Variants in ATF7IP2 observed in about 807,000 individuals in gnomAD.
The protein encoded by ATF7IP2 is activating transcription factor 7 interacting protein 2.
ATF7IP2 carries 42 observed loss-of-function variants against 64.2 expected under a neutral mutation model. That is an observed-to-expected ratio of 0.65 (90% CI 0.51 to 0.85). The LOEUF is 0.85. Ranked by LOEUF, ATF7IP2 falls within the 40% of genes least tolerant of loss-of-function variation. The pLI is 0.00. For missense variants in ATF7IP2, 933 were observed against 784.2 expected (o/e 1.19, Z -2.27); for synonymous variants, 308 against 272.8 (o/e 1.13, Z -1.27).
chr16:10,459,510 G>A (rs1354140665), intron 9 of ATF7IP2, among the ~76,000 whole-genome samples: 1 of 151,652 alleles, frequency 6.6e-6, no homozygotes, highest in African/African-American at 2.4e-5. Context: ...AGCTGGGCAT[G>A]GTGGTGCATG....
At chr16:10,413,271 T>C (rs1294924464) in intron 1 of ATF7IP2, among the ~76,000 whole-genome samples, 2 of 152,154 alleles carry the variant, frequency 1.3e-5, no homozygotes, top group African/African-American at 4.8e-5. Context: ...AATTGAAACA[T>C]GGGGACCAGT....
rs540778216 is a variant in ATF7IP2 at position 10,419,002 on chromosome 16, A to G, written c.-202-579A>G. ...TGCTAAACATCCCCTTAGGGGACCA[A>G]TCAATAATGATTCCATGGGAATCGT... On this transcript the variant is annotated intron_variant, in intron 2 of 13. Coordinates refer to ENST00000562102, the MANE Select transcript of ATF7IP2 (RefSeq NM_001393719.1). Among the ~76,000 whole-genome samples, 3 of 152,316 alleles carry G rather than the reference A, an allele frequency of 2.0e-5. No individual in the cohort carries two copies. In the East Asian group the frequency reaches 5.8e-4, roughly 29 times the overall value.
intron 12 of ATF7IP2, among the ~76,000 whole-genome samples, chr16:10,475,823 G>A (rs1269251629): frequency 2.7e-5 from 4 of 150,136 alleles, no homozygotes; most frequent in Non-Finnish European, 4.4e-5. Context: ...GATAATAAAT[G>A]TAAATGGTCC....
chr16:10,390,851 G>T (rs2047307455), intron 1 of ATF7IP2, among the ~76,000 whole-genome samples: 1 of 152,160 alleles, frequency 6.6e-6, no homozygotes, highest in Non-Finnish European at 1.5e-5. Context: ...AACAAGAACA[G>T]CAAAGCAAAC....
intron 5 of ATF7IP2, among the ~76,000 whole-genome samples, chr16:10,432,594 C>T (rs541076128): frequency 9.2e-5 from 14 of 152,212 alleles, no homozygotes; most frequent in East Asian, 1.9e-4. Flanking sequence ...AGAAGCCGGG[C>T]GCTGTGCCTA....
chr16:10,473,771 T>C, intron 11 of ATF7IP2, 152 bp from the exon 12 acceptor site: 1 of 629,168 alleles, frequency 1.6e-6, no homozygotes, highest in African/African-American at 1.8e-5. Context: ...AATAGTAGAG[T>C]TAAACCACAA....
chr16:10,469,920 T>G (rs1443221033), intron 9 of ATF7IP2, among the ~76,000 whole-genome samples: 1 of 150,504 alleles, frequency 6.6e-6, no homozygotes, highest in Non-Finnish European at 1.5e-5. Context: ...CATTCAGAAT[T>G]CTATATGCAG....
At chr16:10,451,191 G>C (rs1269684393) in intron 8 of ATF7IP2, among the ~76,000 whole-genome samples, 2 of 152,232 alleles carry the variant, frequency 1.3e-5, no homozygotes, top group Non-Finnish European at 2.9e-5. Flanking sequence ...GCTGCTGTTA[G>C]TCTGATGGGC....
intron 8 of ATF7IP2, among the ~76,000 whole-genome samples, chr16:10,453,579 C>G (rs1225929322): frequency 2.6e-5 from 4 of 152,194 alleles, no homozygotes; most frequent in Non-Finnish European, 2.9e-5. Context: ...CTTGTATACT[C>G]AGCACTTAGA....
intron 1 of ATF7IP2, among the ~76,000 whole-genome samples, chr16:10,409,510 A>T (rs1036264923): frequency 2.0e-5 from 3 of 147,696 alleles, no homozygotes; most frequent in Admixed American, 2.0e-4. Context: ...TTTTTTATTG[A>T]GACTTTTTTT....
chr16:10,417,346 A>G (rs928868036), intron 2 of ATF7IP2, among the ~76,000 whole-genome samples: 1 of 152,144 alleles, frequency 6.6e-6, no homozygotes. Flanking sequence ...TGTGTCTTAC[A>G]TGGTAAGACA....
chr16:10,450,703 T>C (rs2048957549), intron 8 of ATF7IP2, among the ~76,000 whole-genome samples: 1 of 152,152 alleles, frequency 6.6e-6, no homozygotes, highest in Admixed American at 6.5e-5. Flanking sequence ...TGAGCCTGTG[T>C]GTGTCTTTGC....
At chr16:10,416,607 A>G (rs2047884766) in intron 2 of ATF7IP2, among the ~76,000 whole-genome samples, 1 of 152,194 alleles carries the variant, frequency 6.6e-6, no homozygotes, top group South Asian at 2.1e-4. Context: ...AGCCTGGCCA[A>G]CATGGCGAAA....
At chr16:10,481,764 T>G (rs1165792495) in intron 13 of ATF7IP2, 72 bp from the exon 14 acceptor site, 1 of 1,238,184 alleles carries the variant, frequency 8.1e-7, no homozygotes, top group Non-Finnish European at 1.1e-6. Flanking sequence ...GATTGAAGAA[T>G]GAGAAATATA....
intron 8 of ATF7IP2, chr16:10,449,730 TG>T (rs2048925289): frequency 6.6e-6 from 1 of 152,182 alleles, no homozygotes; most frequent in Non-Finnish European, 1.5e-5. Context: ...CGGTCTATTT[TG>T]TTGGATCTTT....
At chr16:10,408,912 C>T (rs1356782379) in intron 1 of ATF7IP2, among the ~76,000 whole-genome samples, 1 of 152,242 alleles carries the variant, frequency 6.6e-6, no homozygotes, top group African/African-American at 2.4e-5. Flanking sequence ...GAAATCCTTG[C>T]CTAAGTCAAT....
chr16:10,474,574 C>T (rs1193570437), intron 12 of ATF7IP2, among the ~76,000 whole-genome samples: 3 of 152,078 alleles, frequency 2.0e-5, no homozygotes, highest in Non-Finnish European at 4.4e-5. Flanking sequence ...CAGTGTCTGT[C>T]GTCTTTCACA....
intron 1 of ATF7IP2, among the ~76,000 whole-genome samples, chr16:10,391,456 T>G (rs985675876): frequency 6.6e-6 from 1 of 152,160 alleles, no homozygotes; most frequent in Non-Finnish European, 1.5e-5. Context: ...CAGGAAATTA[T>G]GAAATGGAAC....
chr16:10,441,477 T>G (rs1596524099), intron 8 of ATF7IP2, among the ~76,000 whole-genome samples: 1 of 152,218 alleles, frequency 6.6e-6, no homozygotes, highest in African/African-American at 2.4e-5. Context: ...CTTACTGTGG[T>G]TTTGATTTGC....
Sources: allele counts gnomAD v4.1 joint callset (sites outside exome capture counted in the v4.1 genomes callset), GRCh38; gene constraint gnomAD v4.1.1; transcripts MANE v1.5; gene names NCBI Gene and HGNC (gene_info 2026-07-23, HGNC 2026-07-21).